The following SESN1 variants were observed in gnomAD, a reference collection of about 807,000 sequenced individuals.
SESN1 encodes sestrin-1.
SESN1 carries 30 observed loss-of-function variants against 59.3 expected under a neutral mutation model. That is an observed-to-expected ratio of 0.51 (90% CI 0.38 to 0.69). The LOEUF (loss-of-function observed/expected upper bound fraction) is 0.69, where lower values mean the gene tolerates loss of function less well. Among genes scored for constraint, SESN1 ranks in the 30% least tolerant of loss-of-function variants. SESN1 has a pLI of 0.00. For missense variants in SESN1, 566 were observed against 673.0 expected (o/e 0.84, Z 1.76); for synonymous variants, 197 against 219.9 (o/e 0.90, Z 0.92).
chr6:109,082,614 G>A (rs1045033490), intron 1 of SESN1, among the ~76,000 whole-genome samples: 1 of 152,120 alleles, frequency 6.6e-6, no homozygotes, highest in South Asian at 2.1e-4. Context: ...TCTCCCTGCT[G>A]GTGCCATGCT....
intron 1 of SESN1, among the ~76,000 whole-genome samples, chr6:109,047,569 C>T (rs1465536224): frequency 2.9e-5 from 4 of 136,930 alleles, no homozygotes; most frequent in East Asian, 2.2e-4. Flanking sequence ...CCCCTCTGCC[C>T]GGCCACCACC....
intron 1 of SESN1, among the ~76,000 whole-genome samples, chr6:109,076,363 T>A (rs1781033378): frequency 6.6e-6 from 1 of 152,214 alleles, no homozygotes; most frequent in African/African-American, 2.4e-5. Context: ...AGTATAAGTG[T>A]ATGAGTTTGA....
chr6:109,093,757 A>G, intron 1 of SESN1, 38 bp downstream of exon 1: 2 of 1,588,094 alleles, frequency 1.3e-6, no homozygotes, highest in Non-Finnish European at 1.7e-6. Context: ...ATTTAACTGT[A>G]GTAGAGACAT....
chr6:109,041,782 T>A (rs1458098825), intron 1 of SESN1, among the ~76,000 whole-genome samples: 1 of 152,092 alleles, frequency 6.6e-6, no homozygotes, highest in African/African-American at 2.4e-5. Flanking sequence ...TCTCAACAAT[T>A]GCTAGAACAA....
chr6:109,059,096 T>TAC (rs373238799), intron 1 of SESN1, among the ~76,000 whole-genome samples: 2,790 of 149,798 alleles, frequency 0.019, 39 homozygotes, highest in African/African-American at 0.033. Flanking sequence ...TATCACTTCA[T>TAC]ACACACACAC....
intron 1 of SESN1, among the ~76,000 whole-genome samples, chr6:109,077,088 T>C (rs1781043435): frequency 6.6e-6 from 1 of 152,168 alleles, no homozygotes; most frequent in South Asian, 2.1e-4. Context: ...TAAACATATC[T>C]AAACATAGAA....
At chr6:109,046,157 T>A (rs111437091) in intron 1 of SESN1, among the ~76,000 whole-genome samples, 1 of 151,828 alleles carries the variant, frequency 6.6e-6, no homozygotes, top group African/African-American at 2.4e-5. Context: ...GAAGCTGGAC[T>A]GTACTGCTGC....
In SESN1 at chr6:109,083,433, G is replaced by A. The variant is rs575995049; in HGVS notation, c.279+10362C>T. ...ATGTCAAAAAATAGATAAGCATAGG[G>A]TTTGGCAGATAGTAGATACACACAC... On this transcript the variant is annotated intron_variant, in intron 1 of 9. Transcript: ENST00000436639. Among the ~76,000 whole-genome samples the A allele has an allele frequency of 2.2e-4, 33 of 152,222 alleles. No individual in the cohort carries two copies. The South Asian group carries it at 6.8e-3, about 32-fold the overall frequency.
At chr6:109,082,275 G>A (rs1290147153) in intron 1 of SESN1, among the ~76,000 whole-genome samples, 3 of 152,080 alleles carry the variant, frequency 2.0e-5, no homozygotes, top group Non-Finnish European at 4.4e-5. Context: ...GGCATATAGT[G>A]CTAGAGGGCT....
chr6:109,085,591 C>A (rs1274616088), intron 1 of SESN1, among the ~76,000 whole-genome samples: 2 of 152,010 alleles, frequency 1.3e-5, no homozygotes, highest in African/African-American at 4.8e-5. Context: ...ATCTGATTTC[C>A]TGAGTATATT....
chr6:108,987,943 C>T (rs1779244972), intron 9 of SESN1, among the ~76,000 whole-genome samples: 1 of 151,798 alleles, frequency 6.6e-6, no homozygotes, highest in Non-Finnish European at 1.5e-5. Context: ...GCTGGGAATA[C>T]AGGTGCATGC....
intron 6 of SESN1, chr6:108,993,117 C>A: frequency 2.2e-6 from 1 of 456,644 alleles, no homozygotes; most frequent in Middle Eastern, 5.8e-4. Context: ...TAGTTGAATT[C>A]TCTATGCCTT....
At chr6:109,061,487 T>C (rs1424267179) in intron 1 of SESN1, among the ~76,000 whole-genome samples, 3 of 152,198 alleles carry the variant, frequency 2.0e-5, no homozygotes, top group African/African-American at 2.4e-5. Flanking sequence ...TGCAATAAAC[T>C]TGATCTTCAT....
At chr6:109,089,225 T>C (rs949929030) in intron 1 of SESN1, among the ~76,000 whole-genome samples, 1 of 152,204 alleles carries the variant, frequency 6.6e-6, no homozygotes, top group Admixed American at 6.5e-5. Context: ...TTTGCTGCTT[T>C]ACTAATGAAT....
intron 1 of SESN1, among the ~76,000 whole-genome samples, chr6:109,029,772 T>C (rs1780152541): frequency 1.3e-5 from 2 of 152,162 alleles, no homozygotes; most frequent in African/African-American, 4.8e-5. Flanking sequence ...CCTCAAATGA[T>C]CTTCCCACTT....
intron 1 of SESN1, among the ~76,000 whole-genome samples, chr6:109,028,684 G>C (rs1446672558): frequency 6.6e-6 from 1 of 152,150 alleles, no homozygotes; most frequent in African/African-American, 2.4e-5. Flanking sequence ...CCACATGGAA[G>C]ACTGGGCAAC....
chr6:109,092,396 T>G (rs1781330656), intron 1 of SESN1, among the ~76,000 whole-genome samples: 1 of 152,220 alleles, frequency 6.6e-6, no homozygotes, highest in Non-Finnish European at 1.5e-5. Flanking sequence ...ATTGAAATCC[T>G]TTGATACTAT....
At chr6:108,987,836 A>C (rs1779241788) in intron 9 of SESN1, among the ~76,000 whole-genome samples, 3 of 133,880 alleles carry the variant, frequency 2.2e-5, no homozygotes, top group Middle Eastern at 4.1e-3. Context: ...GCACACTTTC[A>C]CTCTTTCCCA....
intron 1 of SESN1, among the ~76,000 whole-genome samples, chr6:109,087,880 T>C (rs1457677041): frequency 2.6e-5 from 4 of 151,652 alleles, no homozygotes; most frequent in Admixed American, 2.6e-4. Context: ...GCAGTTTTAA[T>C]GGAAGCCTCT....
Sources: allele counts gnomAD v4.1 joint callset (sites outside exome capture counted in the v4.1 genomes callset), GRCh38; gene constraint gnomAD v4.1.1; transcripts MANE v1.5; gene names NCBI Gene and HGNC (gene_info 2026-07-23, HGNC 2026-07-21).